Variants in FAM170A observed in about 807,000 individuals in gnomAD.
FAM170A encodes the protein family with sequence similarity 170 member A, also known as protein FAM170A.
Under a neutral mutation model 36.6 loss-of-function variants are expected in FAM170A, and 28 were observed. That is an observed-to-expected ratio of 0.76 (90% confidence interval 0.57 to 1.05). The LOEUF is 1.05. Among genes scored for constraint, FAM170A ranks in the 50% least tolerant of loss-of-function variants. The pLI is 0.00. For missense variants in FAM170A, 434 were observed against 396.5 expected (o/e 1.09, Z -0.80); for synonymous variants, 156 against 143.9 (o/e 1.08, Z -0.60).
At chr5:119,634,464 C>T in exon 3 of FAM170A, 6 of 1,614,196 alleles carry the variant, frequency 3.7e-6, no homozygotes, top group South Asian at 2.2e-5. Context: ...GTGTTCACCA[C>T]CATGGAAGCC....
At chr5:119,630,247 C>G (rs1756217448) in intron 1 of FAM170A, among the ~76,000 whole-genome samples, 1 of 149,608 alleles carries the variant, frequency 6.7e-6, no homozygotes, top group Non-Finnish European at 1.5e-5. Flanking sequence ...CTCCGCCTCC[C>G]AGGTTCACGC....
intron 1 of FAM170A, among the ~76,000 whole-genome samples, chr5:119,632,185 A>G (rs1246084501): frequency 6.6e-6 from 1 of 152,170 alleles, no homozygotes; most frequent in South Asian, 2.1e-4. Context: ...ATACTTATAT[A>G]TTTCTGCTTA....
At position 119,633,097 on chromosome 5, in the gene FAM170A, C is replaced by T. The variant is rs140250671; in HGVS notation, c.211+209C>T. On this transcript the variant is annotated intron_variant, in intron 2 of 4. Coordinates refer to ENST00000613773, the Ensembl canonical transcript of FAM170A. ...TGTGGGGCTCCTTGGATGTGACATTCTCTGGGTGTGAGGTTCCTTGAGCAT... is the reference window on the plus strand; with the variant it reads ...TGTGGGGCTCCTTGGATGTGACATTTTCTGGGTGTGAGGTTCCTTGAGCAT... 1.5e-3 allele frequency among the ~76,000 whole-genome samples: 231 copies of T among 152,096 alleles called. 1 individual carries two copies. Among genetic ancestry groups the T allele is most frequent in the African/African-American group, 5.3e-3 (221 of 41,482 alleles).
chr5:119,630,756 G>C (rs535023264), intron 1 of FAM170A, among the ~76,000 whole-genome samples: 136 of 152,242 alleles, frequency 8.9e-4, no homozygotes, highest in African/African-American at 3.0e-3. Flanking sequence ...TCTTTCTCTC[G>C]TATTCTCTTT....
Position 119,634,950 on chromosome 5 carries a change from G to A in FAM170A, c.987-81G>A, listed in dbSNP as rs1198953163. On this transcript the variant is annotated intron_variant, in intron 3 of 4. Coordinates refer to ENST00000613773, the Ensembl canonical transcript of FAM170A. ...GTCAGGATTTGTCTTGACCTTTCCAGCTCCTGCAGGAAATTCTGAGAATTT... is the reference window on the plus strand; with the variant it reads ...GTCAGGATTTGTCTTGACCTTTCCAACTCCTGCAGGAAATTCTGAGAATTT... The A allele has an allele frequency of 3.2e-6, 5 of 1,576,664 alleles. No individual in the cohort carries two copies. The African/African-American group carries it at 6.7e-5, about 21-fold the overall frequency.
Position 119,634,031 on chromosome 5 carries a change from A to G in FAM170A, c.283A>G (p.Thr95Ala), listed in dbSNP as rs370734809. 6 of 1,612,510 alleles carry G rather than the reference A, an allele frequency of 3.7e-6. No individual in the cohort carries two copies. In the African/African-American group the frequency reaches 8.1e-5, roughly 22 times the overall value. ...GGCCCAGGTTCAGGAACGAGGAGAG[A>G]CTCCTCCCCGCTCACAACATGTCTC... The change falls in exon 3 of 5, where the codon ACT (threonine) becomes GCT (alanine). Residue 95 changes from threonine to alanine, a missense_variant. Transcript: ENST00000613773.
At position 119,632,474 on chromosome 5, in the gene FAM170A, C is replaced by A. The variant is rs1382958654; in HGVS notation, c.71-274C>A. ...GTTTCTACAATATACCCACACAAAT[C>A]TACACATATCAAAGGCTATCTGGTA... On this transcript the variant is annotated intron_variant, in intron 1 of 4. Coordinates refer to ENST00000613773, the Ensembl canonical transcript of FAM170A. Among the ~76,000 whole-genome samples, 4 of 152,362 alleles carry A rather than the reference C, an allele frequency of 2.6e-5. No individual in the cohort carries two copies. The East Asian group carries it at 7.7e-4, about 29-fold the overall frequency.
intron 2 of FAM170A, among the ~76,000 whole-genome samples, chr5:119,633,470 C>A (rs978016936): frequency 1.3e-5 from 2 of 152,002 alleles, no homozygotes; most frequent in Non-Finnish European, 2.9e-5. Flanking sequence ...TGGGCTCTGC[C>A]TTTGCCTTCC....
At chr5:119,631,894 C>T (rs1756259920) in intron 1 of FAM170A, among the ~76,000 whole-genome samples, 1 of 152,180 alleles carries the variant, frequency 6.6e-6, no homozygotes, top group Non-Finnish European at 1.5e-5. Context: ...AACAAAGATT[C>T]ACCACCATCC....
At chr5:119,630,513 C>T (rs978520626) in intron 1 of FAM170A, among the ~76,000 whole-genome samples, 1 of 152,102 alleles carries the variant, frequency 6.6e-6, no homozygotes, top group Non-Finnish European at 1.5e-5. Context: ...GGAGAATGTA[C>T]CACCTATGCA....
chr5:119,632,922 C>G (rs1561524107), intron 2 of FAM170A, 34 bp downstream of exon 2: 1 of 1,545,862 alleles, frequency 6.5e-7, no homozygotes, highest in East Asian at 2.3e-5. Flanking sequence ...CACGTGGCTC[C>G]TTGGCTGTGG....
rs115983638 is a variant in FAM170A at position 119,631,998 on chromosome 5, A to G, written c.71-750A>G. 3.6e-3 allele frequency among the ~76,000 whole-genome samples: 551 copies of G among 152,334 alleles called. 4 individuals carry two copies. The highest frequency in any genetic ancestry group is 0.013 in the African/African-American group (536 of 41,556). Reference sequence around the variant, plus strand: ...GATTTTTTAGTATAAGTGTGTCCCAAATATTTTATGGAACATACTGACACT... The same window carrying G: ...GATTTTTTAGTATAAGTGTGTCCCAGATATTTTATGGAACATACTGACACT... On this transcript the variant is annotated intron_variant, in intron 1 of 4. Coordinates refer to ENST00000613773, the Ensembl canonical transcript of FAM170A.
At chr5:119,635,759 A>T (rs149919564) in exon 5 of FAM170A, 3,042 of 154,598 alleles carry the variant, frequency 0.02, 52 homozygotes, top group Non-Finnish European at 0.029. Flanking sequence ...GAAGCAGATG[A>T]GGGACCAGCA....
At chr5:119,632,434 C>T (rs767297905) in intron 1 of FAM170A, among the ~76,000 whole-genome samples, 6 of 152,252 alleles carry the variant, frequency 3.9e-5, no homozygotes, top group Non-Finnish European at 7.3e-5. Context: ...ACAAACTCCA[C>T]AGACACAGAC....
intron 1 of FAM170A, among the ~76,000 whole-genome samples, chr5:119,632,028 A>G (rs747426567): frequency 1.3e-5 from 2 of 152,250 alleles, no homozygotes; most frequent in Non-Finnish European, 2.9e-5. Flanking sequence ...GACACTAAAA[A>G]TAAGTATGAC....
At position 119,632,618 on chromosome 5, in the gene FAM170A, T is replaced by A. The variant is rs1756277312; in HGVS notation, c.71-130T>A. ...AATACTGGAGTATCCACCAGAAGCC[T>A]GTCTCACAAACCATGTGTGTTCACT... On this transcript the variant is annotated intron_variant, in intron 1 of 4. Coordinates refer to ENST00000613773, the Ensembl canonical transcript of FAM170A. 5.2e-6 allele frequency: 4 copies of A among 776,032 alleles called. No homozygotes were observed. The African/African-American group carries it at 6.9e-5, about 13-fold the overall frequency. 48.1% of individuals were successfully genotyped at this position (776,032 alleles called of 1,614,324 possible). A position where few individuals can be genotyped will look rare whatever the true frequency, so the allele number is the denominator to read the frequency against.
Position 119,634,412 on chromosome 5 carries a change from G to C in FAM170A, c.664G>C (p.Val222Leu), listed in dbSNP as rs201916757. The C allele has an allele frequency of 2.9e-4, 464 of 1,614,162 alleles. 1 individual carries two copies. In the African/African-American group the frequency reaches 5.5e-3, roughly 19 times the overall value. ...CAGAGCCAAGACTCCTGACTGGCTG[G>C]TGACCATGGAGAACGGCTTCAGGTG... Residue 222 changes from valine to leucine, a missense_variant, in exon 3 of 5, where the codon GTG becomes CTG. By Grantham distance (32) the Val-to-Leu change is conservative. Transcript: ENST00000613773.
intron 1 of FAM170A, among the ~76,000 whole-genome samples, chr5:119,632,460 A>T (rs1482378976): frequency 6.6e-6 from 1 of 150,950 alleles, no homozygotes; most frequent in Non-Finnish European, 1.5e-5. Flanking sequence ...TTTCTACAAT[A>T]TACCCACACA....
intron 3 of FAM170A, 131 bp downstream of exon 3, chr5:119,634,865 G>A: frequency 3.3e-6 from 4 of 1,227,362 alleles, no homozygotes; most frequent in Non-Finnish European, 4.6e-6. Context: ...GAACAATGGA[G>A]GGGGACATAA....
Sources: allele counts gnomAD v4.1 joint callset (sites outside exome capture counted in the v4.1 genomes callset), GRCh38; gene constraint gnomAD v4.1.1; transcripts MANE v1.5; gene names NCBI Gene and HGNC (gene_info 2026-07-23, HGNC 2026-07-21).